The following IGF2BP3 variants were observed in gnomAD, a reference collection of about 807,000 sequenced individuals.
The protein encoded by IGF2BP3 is insulin-like growth factor 2 mRNA-binding protein 3.
IGF2BP3 carries 9 observed loss-of-function variants against 73.8 expected under a neutral mutation model. The observed-to-expected ratio is 0.12, with a 90% confidence interval of 0.07 to 0.21. The LOEUF (loss-of-function observed/expected upper bound fraction) is 0.21, where lower values mean the gene tolerates loss of function less well. Ranked by LOEUF, IGF2BP3 falls within the 10% of genes least tolerant of loss-of-function variation. IGF2BP3 has a pLI of 1.00. For synonymous variants in IGF2BP3, 258 were observed against 256.7 expected, an observed-to-expected ratio of 1.01 and a Z score of -0.05; for missense variants, 542 against 714.0, an observed-to-expected ratio of 0.76 and a Z score of 2.75.
chr7:23,453,646 T>C lies in IGF2BP3; in HGVS notation c.236+14836A>G, dbSNP rs1172218338. On this transcript the variant is annotated intron_variant, in intron 2 of 14. Coordinates refer to ENST00000258729, the MANE Select transcript of IGF2BP3 (RefSeq NM_006547.3). The stretch of plus-strand genomic sequence containing the variant: ...AGTTGAAAGGTATTCTCATTTTAAG[T>C]TCTAATAGATACTGCCAAATAGTGT... 1.6e-4 allele frequency among the ~76,000 whole-genome samples: 25 copies of C among 152,182 alleles called. 1 individual carries two copies. The highest frequency in any genetic ancestry group is 1.4e-3 in the Admixed American group (22 of 15,268).
chr7:23,458,179 C>T (rs1458334476), intron 2 of IGF2BP3, among the ~76,000 whole-genome samples: 1 of 152,036 alleles, frequency 6.6e-6, no homozygotes, highest in Non-Finnish European at 1.5e-5. Flanking sequence ...TTCCCAAGAC[C>T]TCAAATTCCT....
At position 23,378,401 on chromosome 7, in the gene IGF2BP3, G is replaced by GTTTTTTTTTTTTTTTTTTTT. The variant is rs373876363; in HGVS notation, c.286-16661_286-16660insAAAAAAAAAAAAAAAAAAAA. ...AGGAAAATAGACATTTCTCTTCTTGGTTTTTTTTTGAGACAGAGTCTCGCT... is the reference window on the plus strand; with the variant it reads ...AGGAAAATAGACATTTCTCTTCTTGGTTTTTTTTTTTTTTTTTTTTTTTTTTTTTGAGACAGAGTCTCGCT... On this transcript the variant is annotated intron_variant, in intron 3 of 14. Coordinates refer to ENST00000258729, the MANE Select transcript of IGF2BP3 (RefSeq NM_006547.3). 3.7e-4 allele frequency among the ~76,000 whole-genome samples: 48 copies of GTTTTTTTTTTTTTTTTTTTT among 128,048 alleles called. 6 individuals carry two copies. Among genetic ancestry groups the GTTTTTTTTTTTTTTTTTTTT allele is most frequent in the African/African-American group, 1.7e-3 (45 of 26,780 alleles). The allele number at this position is 128,048 out of a possible 152,430, so 84.0% of individuals were successfully genotyped here. A position where few individuals can be genotyped will look rare whatever the true frequency, so the allele number is the denominator to read the frequency against.
intron 3 of IGF2BP3, chr7:23,396,340 T>A (rs1388632348): frequency 6.6e-6 from 1 of 152,476 alleles, no homozygotes; most frequent in African/African-American, 2.4e-5. Flanking sequence ...CCTAGGAGTT[T>A]GATGCAGCAG....
chr7:23,337,925 A>C (rs1784613762), intron 10 of IGF2BP3, among the ~76,000 whole-genome samples: 1 of 152,246 alleles, frequency 6.6e-6, no homozygotes, highest in African/African-American at 2.4e-5. Context: ...CAAGGCAGAT[A>C]GAAGCACCAG....
At chr7:23,463,189 C>A (rs1461119575) in intron 2 of IGF2BP3, among the ~76,000 whole-genome samples, 1 of 152,192 alleles carries the variant, frequency 6.6e-6, no homozygotes, top group African/African-American at 2.4e-5. Flanking sequence ...TCACACCTTC[C>A]AAAAATTAGT....
chr7:23,459,437 G>C (rs1231195769), intron 2 of IGF2BP3, among the ~76,000 whole-genome samples: 1 of 152,132 alleles, frequency 6.6e-6, no homozygotes, highest in Non-Finnish European at 1.5e-5. Flanking sequence ...AAAATAACCA[G>C]GTAAAGGTAT....
chr7:23,397,950 G>A (rs1017763557), intron 3 of IGF2BP3, among the ~76,000 whole-genome samples: 3 of 152,186 alleles, frequency 2.0e-5, no homozygotes, highest in Non-Finnish European at 4.4e-5. Flanking sequence ...CAAAAGGGGC[G>A]AGAGAGGAGG....
chr7:23,333,680 G>A (rs1784496986), intron 10 of IGF2BP3, among the ~76,000 whole-genome samples: 1 of 152,126 alleles, frequency 6.6e-6, no homozygotes. Context: ...GTCCTATCCT[G>A]GAATGAAAAC....
chr7:23,354,740 C>T (rs532957211), intron 5 of IGF2BP3, among the ~76,000 whole-genome samples: 3 of 152,170 alleles, frequency 2.0e-5, no homozygotes, highest in South Asian at 4.1e-4. Flanking sequence ...TCAGGTGGCC[C>T]GGGGCTCTAG....
intron 2 of IGF2BP3, among the ~76,000 whole-genome samples, chr7:23,439,058 C>A (rs922211265): frequency 6.6e-6 from 1 of 151,976 alleles, no homozygotes; most frequent in Admixed American, 6.6e-5. Context: ...GCCTGGGCAA[C>A]GAAGTGAGAC....
chr7:23,396,879 G>A (rs554957688), intron 3 of IGF2BP3, among the ~76,000 whole-genome samples: 2 of 152,180 alleles, frequency 1.3e-5, no homozygotes, highest in Non-Finnish European at 2.9e-5. Context: ...GTGCAGCAGG[G>A]CGAGGCACTT....
chr7:23,386,848 C>T (rs1315524220), intron 3 of IGF2BP3, among the ~76,000 whole-genome samples: 2 of 152,088 alleles, frequency 1.3e-5, no homozygotes, highest in Non-Finnish European at 2.9e-5. Flanking sequence ...AGGTGGATCA[C>T]CTGAGGTCAG....
chr7:23,336,967 A>C (rs1302503734), intron 10 of IGF2BP3, among the ~76,000 whole-genome samples: 7 of 152,098 alleles, frequency 4.6e-5, no homozygotes, highest in Admixed American at 1.3e-4. Flanking sequence ...AAAAAAAAAG[A>C]AGCAATGATA....
intron 3 of IGF2BP3, among the ~76,000 whole-genome samples, chr7:23,394,941 C>T (rs1419251083): frequency 6.6e-6 from 1 of 152,160 alleles, no homozygotes; most frequent in African/African-American, 2.4e-5. Context: ...TAATGGAATA[C>T]TGGAAGTGCA....
intron 3 of IGF2BP3, chr7:23,415,315 C>T: frequency 4.1e-6 from 1 of 242,662 alleles, no homozygotes; most frequent in Non-Finnish European, 8.2e-6. Flanking sequence ...TCCGCAGGTC[C>T]CCGTTCATCG....
intron 2 of IGF2BP3, among the ~76,000 whole-genome samples, chr7:23,455,060 G>A (rs544658074): frequency 1.3e-5 from 2 of 152,284 alleles, no homozygotes; most frequent in South Asian, 4.1e-4. Flanking sequence ...TACTGAAGAC[G>A]CAAAAGTTCA....
intron 3 of IGF2BP3, among the ~76,000 whole-genome samples, chr7:23,409,601 T>A (rs968956887): frequency 1.1e-4 from 16 of 152,180 alleles, no homozygotes; most frequent in Admixed American, 7.2e-4. Flanking sequence ...TATGGTCAAT[T>A]GATTTGTAAC....
intron 10 of IGF2BP3, among the ~76,000 whole-genome samples, chr7:23,340,033 GT>G (rs1359266274): frequency 6.6e-6 from 1 of 151,934 alleles, no homozygotes; most frequent in African/African-American, 2.4e-5. Flanking sequence ...TATAGTTCAG[GT>G]TTTTTTTATT....
intron 2 of IGF2BP3, among the ~76,000 whole-genome samples, chr7:23,444,567 C>T (rs576605423): frequency 6.6e-6 from 1 of 151,724 alleles, no homozygotes; most frequent in Non-Finnish European, 1.5e-5. Flanking sequence ...ATGGTGAAAC[C>T]CCCATCTCTA....
Sources: gnomAD v4.1 joint callset for allele counts (sites outside exome capture counted in the v4.1 genomes callset) on GRCh38, gnomAD v4.1.1 for gene constraint, MANE v1.5 for transcripts, NCBI Gene and HGNC (gene_info 2026-07-23, HGNC 2026-07-21) for gene names.